The following ZMAT4 variants were observed in gnomAD, a reference collection of about 807,000 sequenced individuals.
The protein encoded by ZMAT4 is zinc finger matrin-type protein 4.
A neutral mutation model predicts 28.7 loss-of-function variants in ZMAT4; 17 were observed. The observed-to-expected ratio is 0.59, with a 90% CI of 0.41 to 0.89. The LOEUF (loss-of-function observed/expected upper bound fraction) is 0.89. ZMAT4 is among the 40% of genes least tolerant of loss of function. The pLI, the probability that ZMAT4 is intolerant of heterozygous loss-of-function variation, is 0.00. For missense variants in ZMAT4, 240 were observed against 283.8 expected (o/e 0.85, Z 1.11); for synonymous variants, 117 against 109.2 (o/e 1.07, Z -0.44).
chr8:40,575,554 G>C (rs1804236644), intron 6 of ZMAT4, among the ~76,000 whole-genome samples: 1 of 151,754 alleles, frequency 6.6e-6, no homozygotes, highest in Admixed American at 6.6e-5. Context: ...CATCACTACT[G>C]TTAATTACAG....
intron 3 of ZMAT4, among the ~76,000 whole-genome samples, chr8:40,740,297 A>G (rs751625560): frequency 2.0e-5 from 3 of 152,206 alleles, no homozygotes; most frequent in Non-Finnish European, 4.4e-5. Context: ...CTTCTCCAGC[A>G]TCTGTTGCTT....
At chr8:40,696,864 G>A (rs1809910973) in intron 4 of ZMAT4, 1 of 160,260 alleles carries the variant, frequency 6.2e-6, no homozygotes, top group African/African-American at 2.4e-5. Context: ...ACATTGGTAG[G>A]GGACCTCTCT....
At chr8:40,622,665 G>A (rs906965767) in intron 5 of ZMAT4, among the ~76,000 whole-genome samples, 30 of 152,218 alleles carry the variant, frequency 2.0e-4, no homozygotes, top group Non-Finnish European at 8.8e-5. Flanking sequence ...ATCAGCATCT[G>A]CTCCTGGTGA....
intron 3 of ZMAT4, among the ~76,000 whole-genome samples, chr8:40,742,087 A>ACAAAAAAC (rs1554549261): frequency 1.1e-4 from 17 of 148,692 alleles, no homozygotes; most frequent in African/African-American, 7.4e-5. Context: ...AAAAATACAA[A>ACAAAAAAC]AAAAAACAAA....
chr8:40,852,133 G>A (rs1484715504), intron 1 of ZMAT4, among the ~76,000 whole-genome samples: 4 of 151,996 alleles, frequency 2.6e-5, no homozygotes, highest in Non-Finnish European at 5.9e-5. Flanking sequence ...TGATCCACTT[G>A]CCTTGGCCTC....
At chr8:40,700,485 G>A (rs916667636) in intron 3 of ZMAT4, among the ~76,000 whole-genome samples, 8 of 135,710 alleles carry the variant, frequency 5.9e-5, no homozygotes, top group Admixed American at 1.7e-4. Flanking sequence ...TGGTGCTATC[G>A]TAGCTCATTA....
At chr8:40,768,389 T>C (rs1813248526) in intron 2 of ZMAT4, among the ~76,000 whole-genome samples, 1 of 152,212 alleles carries the variant, frequency 6.6e-6, no homozygotes, top group African/African-American at 2.4e-5. Context: ...TACTGACTGG[T>C]CCATGCCCAG....
chr8:40,670,374 C>T (rs1252376178), intron 5 of ZMAT4, among the ~76,000 whole-genome samples: 1 of 152,054 alleles, frequency 6.6e-6, no homozygotes. Flanking sequence ...TCATACTGTA[C>T]ACAAAAATTA....
intron 5 of ZMAT4, among the ~76,000 whole-genome samples, chr8:40,582,565 C>T (rs1804526788): frequency 6.6e-6 from 1 of 152,024 alleles, no homozygotes; most frequent in Non-Finnish European, 1.5e-5. Flanking sequence ...TTGTAAATGC[C>T]AGGACTGAAA....
At chr8:40,636,605 T>C (rs1012123456) in intron 5 of ZMAT4, among the ~76,000 whole-genome samples, 6 of 152,188 alleles carry the variant, frequency 3.9e-5, no homozygotes, top group Non-Finnish European at 5.9e-5. Context: ...TCAGGGGCTA[T>C]CAGAGGAGAG....
chr8:40,693,465 T>C (rs1174779171), intron 4 of ZMAT4, among the ~76,000 whole-genome samples: 1 of 152,150 alleles, frequency 6.6e-6, no homozygotes, highest in East Asian at 1.9e-4. Context: ...TCCTGACTGG[T>C]GCACAGCCTG....
chr8:40,758,372 T>C (rs1018702884), intron 3 of ZMAT4, among the ~76,000 whole-genome samples: 2 of 152,142 alleles, frequency 1.3e-5, no homozygotes, highest in Non-Finnish European at 2.9e-5. Flanking sequence ...GAAATGACAA[T>C]CTGTAAGGTT....
chr8:40,781,761 CAAAAAAAAAAAAA>C (rs59432510), intron 2 of ZMAT4, among the ~76,000 whole-genome samples: 10 of 38,522 alleles, frequency 2.6e-4, no homozygotes, highest in Non-Finnish European at 4.5e-4. Context: ...GACTCCGTCT[CAAAAAAAAAAAAA>C]AAAAAAAAAA....
intron 1 of ZMAT4, among the ~76,000 whole-genome samples, chr8:40,867,546 ACTCTCTGTC>A (rs912321677): frequency 2.0e-5 from 3 of 150,970 alleles, no homozygotes; most frequent in Admixed American, 2.0e-4. Context: ...CAAACCATTA[ACTCTCTGTC>A]CTCATTCCTC....
At chr8:40,559,106 C>T (rs901169174) in intron 6 of ZMAT4, among the ~76,000 whole-genome samples, 2 of 152,168 alleles carry the variant, frequency 1.3e-5, no homozygotes, top group Admixed American at 6.5e-5. Flanking sequence ...GAAACAATTG[C>T]AGCTCGCCCA....
chr8:40,880,423 G>A (rs1818181461), intron 1 of ZMAT4, among the ~76,000 whole-genome samples: 1 of 151,740 alleles, frequency 6.6e-6, no homozygotes, highest in Non-Finnish European at 1.5e-5. Flanking sequence ...CCAGAAAGAG[G>A]GCACCAATTA....
chr8:40,728,822 G>A (rs536218055), intron 3 of ZMAT4, among the ~76,000 whole-genome samples: 12 of 152,184 alleles, frequency 7.9e-5, no homozygotes, highest in Non-Finnish European at 1.3e-4. Context: ...TACCTAGAAT[G>A]TTGTCTAGTG....
chr8:40,706,046 A>G (rs1810335709), intron 3 of ZMAT4, among the ~76,000 whole-genome samples: 1 of 151,940 alleles, frequency 6.6e-6, no homozygotes, highest in South Asian at 2.1e-4. Context: ...TTATTTATTT[A>G]TTTATTTATT....
intron 2 of ZMAT4, among the ~76,000 whole-genome samples, chr8:40,788,322 C>T (rs1294437782): frequency 1.3e-5 from 2 of 152,198 alleles, no homozygotes; most frequent in African/African-American, 2.4e-5. Flanking sequence ...CGGTGGCTCA[C>T]GCCTGTAATC....
Sources: gnomAD v4.1 joint callset for allele counts (sites outside exome capture counted in the v4.1 genomes callset) on GRCh38, gnomAD v4.1.1 for gene constraint, MANE v1.5 for transcripts, NCBI Gene and HGNC (gene_info 2026-07-23, HGNC 2026-07-21) for gene names.